Variants in KPNA7 observed in about 807,000 individuals in gnomAD.
KPNA7 encodes importin subunit alpha-8.
Under a neutral mutation model 53.7 loss-of-function variants are expected in KPNA7, and 54 were observed. That is an observed-to-expected ratio of 1.01 (90% CI 0.81 to 1.26). The LOEUF is 1.26. KPNA7 is among the 50% of genes most tolerant of loss of function. KPNA7 has a pLI of 0.00. For synonymous variants in KPNA7, 276 were observed against 259.3 expected (o/e 1.06, Z -0.62); for missense variants, 640 against 644.5 (o/e 0.99, Z 0.07).
chr7:99,153,852 G>A, the KPNA7 span, among the ~76,000 whole-genome samples: 1 of 151,906 alleles, frequency 6.6e-6, no homozygotes, highest in African/African-American at 2.4e-5. Flanking sequence ...GCTCGTGCCT[G>A]TAGTCCCTGC....
chr7:99,214,134 T>G (rs1202075689), intron 1 of KPNA7, among the ~76,000 whole-genome samples: 2 of 152,034 alleles, frequency 1.3e-5, no homozygotes, highest in Non-Finnish European at 2.9e-5. Context: ...TAGGAAAGCA[T>G]GAGATCACCA....
chr7:99,173,106 G>GATAACTAT (rs1373150606), downstream of KPNA7, among the ~76,000 whole-genome samples: 3 of 150,402 alleles, frequency 2.0e-5, no homozygotes, highest in African/African-American at 7.3e-5. Flanking sequence ...AGTCTGTCCG[G>GATAACTAT]ATAACTATAA....
intron 10 of KPNA7, among the ~76,000 whole-genome samples, chr7:99,177,410 C>G (rs1156320111): frequency 6.6e-6 from 1 of 151,878 alleles, no homozygotes; most frequent in African/African-American, 2.4e-5. Context: ...CAGGGAAACC[C>G]TGTCTCTACT....
rs189398656 is a variant in KPNA7, at chr7:99,176,391, T to C, written c.1464+1529A>G. ...ACAATGAGATACCACTTTATACCCATGAGATTAGCTATTACCAAAACACCT... is the reference window on the plus strand; with the variant it reads ...ACAATGAGATACCACTTTATACCCACGAGATTAGCTATTACCAAAACACCT... On this transcript the variant is annotated intron_variant, in intron 10 of 10. Transcript: ENST00000327442. Among the ~76,000 whole-genome samples the C allele has an allele frequency of 1.6e-3, 244 of 151,226 alleles. 1 individual carries two copies. Among genetic ancestry groups the C allele is most frequent in the African/African-American group, 5.5e-3 (226 of 41,238 alleles).
chr7:99,189,462 T>G (rs1789821447), intron 6 of KPNA7, among the ~76,000 whole-genome samples: 1 of 152,066 alleles, frequency 6.6e-6, no homozygotes, highest in African/African-American at 2.4e-5. Context: ...GAATCATCCC[T>G]GCCCCCAAAT....
At position 99,195,148 on chromosome 7, in the gene KPNA7, G is replaced by A; in HGVS notation, c.475C>T (p.Gln159Ter). The change falls in exon 5 of 11, where the codon CAG (glutamine) becomes TAG (stop). Residue 159 changes from glutamine to a stop codon, truncating the protein, a stop_gained. Coordinates refer to ENST00000327442, the MANE Select transcript of KPNA7 (RefSeq NM_001145715.3). LOFTEE classifies it high-confidence loss of function. ...TRAVVEGGAI[Q>*]PLIELLSSSN... is the part of the protein sequence containing the mutation. ...GAAGACAGGAGCTCAATCAAGGGCT[G>A]GATGGCTCCCCCTTCTACCACGGCA... is the stretch of plus-strand genomic sequence containing the variant. 1.3e-6 allele frequency: 2 copies of A among 1,551,590 alleles called. No individual in the cohort carries two copies. The highest frequency in any genetic ancestry group is 2.4e-5 in the South Asian group (2 of 84,058).
chr7:99,179,956 G>A (rs761196464), intron 9 of KPNA7, among the ~76,000 whole-genome samples: 22 of 152,158 alleles, frequency 1.4e-4, no homozygotes, highest in Non-Finnish European at 2.1e-4. Context: ...CCTGACCCCC[G>A]GTGCTCAAAC....
downstream of KPNA7, among the ~76,000 whole-genome samples, chr7:99,172,493 C>T (rs145278885): frequency 4.1e-3 from 621 of 151,392 alleles, 2 homozygotes; most frequent in Middle Eastern, 0.014. Flanking sequence ...AGTGGGAGGA[C>T]CATTTGAGGC....
chr7:99,152,690 G>T, the KPNA7 span, among the ~76,000 whole-genome samples: 2 of 152,100 alleles, frequency 1.3e-5, no homozygotes, highest in African/African-American at 4.8e-5. Flanking sequence ...TATTTAAAAG[G>T]CTTGAGCAGT....
At chr7:99,147,728 T>C in the KPNA7 span, among the ~76,000 whole-genome samples, 1 of 151,806 alleles carries the variant, frequency 6.6e-6, no homozygotes, top group African/African-American at 2.4e-5. Flanking sequence ...GAGGCGGAGG[T>C]TGCAGTGAGC....
Position 99,173,691 on chromosome 7 carries a change from G to C in KPNA7, c.*17C>G. 6.6e-7 allele frequency: 1 copy of C among 1,511,250 alleles called. No homozygotes were observed. The highest frequency in any genetic ancestry group is 9.0e-7 in the Non-Finnish European group (1 of 1,110,606). The allele number at this position is 1,511,250 out of a possible 1,614,324, so 93.6% of individuals were successfully genotyped here. A position where few individuals can be genotyped will look rare whatever the true frequency, so the allele number is the denominator to read the frequency against. On this transcript the variant is annotated 3_prime_UTR_variant, in exon 11 of 11. Coordinates refer to ENST00000327442, the MANE Select transcript of KPNA7 (RefSeq NM_001145715.3). ...CCTTTAGCACTGGGTTGTTGGTTTA[G>C]GAGGTAGGGAGCTTGGCTATTTTTT...
At chr7:99,207,819 A>G (rs1182956560) in intron 1 of KPNA7, among the ~76,000 whole-genome samples, 3 of 151,164 alleles carry the variant, frequency 2.0e-5, no homozygotes, top group Non-Finnish European at 4.4e-5. Flanking sequence ...TCTTTTTAGT[A>G]GAGACGGGGT....
upstream of KPNA7, among the ~76,000 whole-genome samples, chr7:99,212,726 C>T (rs1471455220): frequency 6.6e-6 from 1 of 151,514 alleles, no homozygotes; most frequent in South Asian, 2.1e-4. Context: ...CCTATCTCTA[C>T]CAAAAAAGAT....
chr7:99,189,929 C>A (rs957766130), intron 6 of KPNA7, among the ~76,000 whole-genome samples: 1 of 152,088 alleles, frequency 6.6e-6, no homozygotes, highest in Non-Finnish European at 1.5e-5. Flanking sequence ...TCTAACCCTT[C>A]TTTGGGGTTA....
chr7:99,203,117 T>TG lies in KPNA7; in HGVS notation c.189dup (p.Lys64GlnfsTer11). 6.4e-7 allele frequency: 1 copy of TG among 1,551,676 alleles called. No individual in the cohort carries two copies. The highest frequency in any genetic ancestry group is 8.7e-7 in the Non-Finnish European group (1 of 1,146,982). On this transcript the variant is annotated frameshift_variant, in exon 3 of 11. Transcript: ENST00000327442. LOFTEE classifies it high-confidence loss of function. ...CACTACATACTGACCGCCACCCCTTTGGCTGTTTTTTCAGAAGGTGTGTCA... is the reference window on the plus strand; with the variant it reads ...CACTACATACTGACCGCCACCCCTTTGGGCTGTTTTTTCAGAAGGTGTGTCA...
At chr7:99,186,713 G>A (rs577981606) in intron 7 of KPNA7, among the ~76,000 whole-genome samples, 5 of 151,556 alleles carry the variant, frequency 3.3e-5, no homozygotes, top group East Asian at 2.0e-4. Context: ...ACCACACTCC[G>A]GCCTTGGCAA....
Position 99,188,334 on chromosome 7 carries a change from AC to A in KPNA7, c.865del (p.Val289Ter). 1 of 1,551,562 alleles carries A rather than the reference AC, an allele frequency of 6.4e-7. No individual in the cohort carries two copies. Among genetic ancestry groups the A allele is most frequent in the Middle Eastern group, 1.7e-4 (1 of 5,988 alleles). ...GAGTTCTGAGCTGGTCATGAGCACT[AC>A]CAGCCTGGGCAGGACCCCCGTGTTA... ...VVNTGVLPRL[V>X]VLMTSSELNV... On this transcript the variant is annotated frameshift_variant, in exon 7 of 11. Transcript: ENST00000327442. LOFTEE classifies it high-confidence loss of function.
the KPNA7 span, among the ~76,000 whole-genome samples, chr7:99,162,003 A>G: frequency 6.6e-6 from 1 of 151,250 alleles, no homozygotes; most frequent in Non-Finnish European, 1.5e-5. Flanking sequence ...ACAGCAGATA[A>G]GTTACGCAGT....
the KPNA7 span, among the ~76,000 whole-genome samples, chr7:99,163,181 C>A: frequency 3.9e-4 from 57 of 144,870 alleles, no homozygotes; most frequent in African/African-American, 1.4e-3. Flanking sequence ...AACTCTGCCT[C>A]AGAAAAAAAA....
Sources: allele counts gnomAD v4.1 joint callset (sites outside exome capture counted in the v4.1 genomes callset), GRCh38; gene constraint gnomAD v4.1.1; transcripts MANE v1.5; gene names NCBI Gene and HGNC (gene_info 2026-07-23, HGNC 2026-07-21).